Variants in CAMKMT observed in about 807,000 individuals in gnomAD.
CAMKMT encodes the protein CaM KMT.
In CAMKMT, 53 loss-of-function variants were observed where a neutral mutation model predicts 48.0. The ratio of observed to expected loss-of-function variants is 1.10; its 90% CI spans 0.89 to 1.39. CAMKMT has a LOEUF of 1.39. Ranked by LOEUF, CAMKMT falls within the 40% of genes most tolerant of loss-of-function variation. The probability of loss-of-function intolerance (pLI) is 0.00; values close to 1 mark genes in which losing one functional copy is unlikely to be tolerated. For synonymous variants in CAMKMT, 165 were observed against 152.3 expected (o/e 1.08, Z -0.61); for missense variants, 428 against 402.7 (o/e 1.06, Z -0.54).
intron 9 of CAMKMT, among the ~76,000 whole-genome samples, chr2:44,761,040 C>T (rs1470422512): frequency 1.3e-5 from 2 of 152,138 alleles, no homozygotes; most frequent in Admixed American, 6.5e-5. Flanking sequence ...AAGCAAGGGA[C>T]GATCACCTGG....
intron 3 of CAMKMT, among the ~76,000 whole-genome samples, chr2:44,461,463 G>C (rs1003195984): frequency 6.6e-6 from 1 of 152,172 alleles, no homozygotes; most frequent in African/African-American, 2.4e-5. Context: ...AACCTAGGCA[G>C]TTTGGCTCCA....
chr2:44,690,880 G>A (rs1480233517), intron 3 of CAMKMT, among the ~76,000 whole-genome samples: 1 of 151,980 alleles, frequency 6.6e-6, no homozygotes, highest in Non-Finnish European at 1.5e-5. Context: ...GGAGGCTGGG[G>A]CACGAGAATC....
intron 3 of CAMKMT, among the ~76,000 whole-genome samples, chr2:44,465,503 C>T (rs1002393799): frequency 5.5e-5 from 8 of 145,306 alleles, no homozygotes; most frequent in East Asian, 2.0e-4. Context: ...GGCTGAGGCA[C>T]GAGAATTGCT....
At chr2:44,582,570 C>G (rs1368441705) in intron 3 of CAMKMT, among the ~76,000 whole-genome samples, 5 of 152,200 alleles carry the variant, frequency 3.3e-5, no homozygotes, top group Non-Finnish European at 7.3e-5. Flanking sequence ...GCAAGTCCAG[C>G]AATACCACAT....
chr2:44,433,935 G>T (rs185675991), intron 3 of CAMKMT, among the ~76,000 whole-genome samples: 1 of 152,244 alleles, frequency 6.6e-6, no homozygotes, highest in Non-Finnish European at 1.5e-5. Flanking sequence ...GCCGTGGTTT[G>T]TAAATAAATG....
chr2:44,406,906 C>G (rs780678299), intron 3 of CAMKMT, among the ~76,000 whole-genome samples: 1 of 152,222 alleles, frequency 6.6e-6, no homozygotes, highest in Non-Finnish European at 1.5e-5. Context: ...TTGCGCCCAG[C>G]CAAATTATTT....
chr2:44,669,419 A>C (rs1165933104), intron 3 of CAMKMT, among the ~76,000 whole-genome samples: 1 of 152,192 alleles, frequency 6.6e-6, no homozygotes, highest in Non-Finnish European at 1.5e-5. Context: ...ACATGTGTGC[A>C]AAAATTTCTG....
intron 7 of CAMKMT, among the ~76,000 whole-genome samples, chr2:44,735,746 A>C (rs975057857): frequency 2.3e-4 from 35 of 151,850 alleles, no homozygotes; most frequent in Non-Finnish European, 3.7e-4. Context: ...TACTGAAAAA[A>C]AAAAACAAAA....
intron 3 of CAMKMT, among the ~76,000 whole-genome samples, chr2:44,532,881 C>A (rs538044617): frequency 6.6e-6 from 1 of 151,378 alleles, no homozygotes; most frequent in African/African-American, 2.4e-5. Context: ...GGTGTGATCA[C>A]AGCTCACTGC....
At chr2:44,422,126 A>G (rs1217009583) in intron 3 of CAMKMT, among the ~76,000 whole-genome samples, 3 of 152,094 alleles carry the variant, frequency 2.0e-5, no homozygotes, top group Admixed American at 6.6e-5. Flanking sequence ...TGGAGTCCTC[A>G]TTGCTTGGTG....
chr2:44,492,494 A>C lies in CAMKMT; in HGVS notation c.376+102189A>C, dbSNP rs370794328. 2.8e-4 allele frequency among the ~76,000 whole-genome samples: 42 copies of C among 152,324 alleles called. No individual in the cohort carries two copies. In the South Asian group the frequency reaches 4.3e-3, roughly 16 times the overall value. ...TGTAAAAAATATTTTAAAAGTTAAA[A>C]AAATAATATTGCAAGTAAGCAATGT... is the stretch of plus-strand genomic sequence containing the variant. On this transcript the variant is annotated intron_variant, in intron 3 of 10. Coordinates refer to ENST00000378494, the MANE Select transcript of CAMKMT (RefSeq NM_024766.5).
intron 3 of CAMKMT, among the ~76,000 whole-genome samples, chr2:44,527,967 A>T (rs1239363253): frequency 2.0e-5 from 3 of 152,034 alleles, no homozygotes; most frequent in Admixed American, 1.3e-4. Flanking sequence ...TATCATAGAG[A>T]ATAGTTTCAG....
intron 3 of CAMKMT, among the ~76,000 whole-genome samples, chr2:44,490,013 C>G (rs2104708528): frequency 6.6e-6 from 1 of 151,782 alleles, no homozygotes; most frequent in Admixed American, 6.6e-5. Context: ...CGCACACTCA[C>G]ACACACACAC....
At chr2:44,511,635 C>A (rs796499300) in intron 3 of CAMKMT, among the ~76,000 whole-genome samples, 10 of 152,280 alleles carry the variant, frequency 6.6e-5, no homozygotes, top group African/African-American at 2.4e-4. Context: ...GTCCTACATT[C>A]TTAATCGTTA....
chr2:44,485,543 T>C (rs529661811), intron 3 of CAMKMT, among the ~76,000 whole-genome samples: 1 of 152,274 alleles, frequency 6.6e-6, no homozygotes, highest in African/African-American at 2.4e-5. Flanking sequence ...AGAGTGTACT[T>C]ACACAAACCT....
At chr2:44,633,085 T>C (rs1326878691) in intron 3 of CAMKMT, among the ~76,000 whole-genome samples, 1 of 152,204 alleles carries the variant, frequency 6.6e-6, no homozygotes, top group Non-Finnish European at 1.5e-5. Context: ...TTTTTTTCTT[T>C]AATACTTGAA....
At chr2:44,623,686 G>A (rs1193138166) in intron 3 of CAMKMT, among the ~76,000 whole-genome samples, 1 of 151,958 alleles carries the variant, frequency 6.6e-6, no homozygotes, top group Non-Finnish European at 1.5e-5. Context: ...TTAGTCTTAA[G>A]TGTGCATTTT....
intron 8 of CAMKMT, among the ~76,000 whole-genome samples, chr2:44,752,991 A>T (rs1207260825): frequency 6.6e-6 from 1 of 152,198 alleles, no homozygotes; most frequent in Non-Finnish European, 1.5e-5. Context: ...AAACTGTCTC[A>T]AGCTTCCAAG....
At chr2:44,620,209 A>AT (rs1410230716) in intron 3 of CAMKMT, among the ~76,000 whole-genome samples, 5 of 151,896 alleles carry the variant, frequency 3.3e-5, no homozygotes, top group African/African-American at 9.7e-5. Flanking sequence ...ATTGTGATAG[A>AT]TTTTTTCTAA....
Sources: gnomAD v4.1 joint callset for allele counts (sites outside exome capture counted in the v4.1 genomes callset) on GRCh38, gnomAD v4.1.1 for gene constraint, MANE v1.5 for transcripts, NCBI Gene and HGNC (gene_info 2026-07-23, HGNC 2026-07-21) for gene names.